GABPA: variants seen among roughly 807,000 people sequenced by gnomAD.
GABPA encodes GA binding protein transcription factor subunit alpha.
A neutral mutation model predicts 59.4 loss-of-function variants in GABPA; 4 were observed. The observed-to-expected ratio is 0.07, with a 90% confidence interval of 0.03 to 0.15. The LOEUF is 0.15. Among genes scored for constraint, GABPA ranks in the 10% least tolerant of loss-of-function variants. The pLI, the probability that GABPA is intolerant of heterozygous loss-of-function variation, is 1.00. For missense variants in GABPA, 251 were observed against 543.8 expected (o/e 0.46, Z 5.36); for synonymous variants, 164 against 183.1 (o/e 0.90, Z 0.84).
intron 4 of GABPA, among the ~76,000 whole-genome samples, chr21:25,751,448 G>A (rs1053858459): frequency 1.3e-5 from 2 of 150,970 alleles, no homozygotes; most frequent in Admixed American, 1.3e-4. Context: ...TCAGGATTTG[G>A]GTTTTTCTTC....
chr21:25,766,832 A>G (rs981767879), intron 9 of GABPA, among the ~76,000 whole-genome samples: 3 of 151,996 alleles, frequency 2.0e-5, no homozygotes, highest in African/African-American at 7.2e-5. Context: ...ACACATGTTC[A>G]TAGCAGATTA....
chr21:25,751,751 G>C (rs59132672), intron 4 of GABPA, among the ~76,000 whole-genome samples: 3,795 of 151,754 alleles, frequency 0.025, 158 homozygotes, highest in African/African-American at 0.087. Flanking sequence ...TTATAGGTAG[G>C]GTTTGTGTGT....
intron 7 of GABPA, chr21:25,763,457 A>T (rs1165374401): frequency 5.9e-6 from 1 of 170,652 alleles, no homozygotes; most frequent in South Asian, 1.5e-4. Context: ...TAGAAATAAA[A>T]TTTTTTACAC....
In GABPA at chr21:25,769,306, T is replaced by C; in HGVS notation, c.*74T>C. 4.5e-6 allele frequency: 3 copies of C among 671,852 alleles called. No individual in the cohort carries two copies. The highest frequency in any genetic ancestry group is 7.9e-6 in the Non-Finnish European group (3 of 377,672). The allele number at this position is 671,852 out of a possible 1,614,324, so 41.6% of individuals were successfully genotyped here. On this transcript the variant is annotated 3_prime_UTR_variant, in exon 10 of 10. Transcript: ENST00000400075. ...CAAGTATAGCTCTTACCTTTATTACTGAATTTGAATCTTCTTTTATTTCTA... is the reference window on the plus strand; with the variant it reads ...CAAGTATAGCTCTTACCTTTATTACCGAATTTGAATCTTCTTTTATTTCTA...
At chr21:25,738,221 G>GCCGCCC (rs947734411) in intron 1 of GABPA, among the ~76,000 whole-genome samples, 15 of 152,184 alleles carry the variant, frequency 9.9e-5, no homozygotes, top group Admixed American at 6.5e-5. Context: ...TGCCGCCGCC[G>GCCGCCC]CCGCCCCCTG....
chr21:25,735,194 C>G lies in GABPA; in HGVS notation c.-411C>G. 1.7e-6 allele frequency: 1 copy of G among 598,042 alleles called. No individual in the cohort carries two copies. The highest frequency in any genetic ancestry group is 3.0e-6 in the Non-Finnish European group (1 of 333,014). 37.0% of individuals were successfully genotyped at this position (598,042 alleles called of 1,614,324 possible). On this transcript the variant is annotated 5_prime_UTR_variant, in exon 1 of 10. Transcript: ENST00000400075. ...ATGCGCTCTTTGAGTGGCCTTTCCC[C>G]TAGTTCAAGCTCCCCTCCGAGTCAG...
rs2036021153 is a variant in GABPA at position 25,772,143 on chromosome 21, A to T, written c.*2911A>T. On this transcript the variant is annotated 3_prime_UTR_variant, in exon 10 of 10. Transcript: ENST00000400075. ...AATGTTTTAAAATTCATAATTGCAAAACAAATCTGTGACTAACTTAATGTC... is the reference window on the plus strand; with the variant it reads ...AATGTTTTAAAATTCATAATTGCAATACAAATCTGTGACTAACTTAATGTC... The T allele has an allele frequency of 6.6e-6, 1 of 152,090 alleles. No individual in the cohort carries two copies. The highest frequency in any genetic ancestry group is 2.4e-5 in the African/African-American group (1 of 41,444). 9.4% of individuals were successfully genotyped at this position (152,090 alleles called of 1,614,324 possible).
At position 25,769,536 on chromosome 21, in the gene GABPA, A is replaced by C. The variant is rs2035969263; in HGVS notation, c.*304A>C. ...AGTATTAATGTGTAGCCCTACCAAA[A>C]ATAGCCAGTAGTATCTGAAAATGAA... On this transcript the variant is annotated 3_prime_UTR_variant, in exon 10 of 10. Transcript: ENST00000400075. 2 of 207,534 alleles carry C rather than the reference A, an allele frequency of 9.6e-6. No homozygotes were observed. Among genetic ancestry groups the C allele is most frequent in the Non-Finnish European group, 1.9e-5 (2 of 102,844 alleles). 12.9% of individuals were successfully genotyped at this position (207,534 alleles called of 1,614,324 possible). A position where few individuals can be genotyped will look rare whatever the true frequency, so the allele number is the denominator to read the frequency against.
chr21:25,742,282 C>A (rs1347835447), intron 2 of GABPA, among the ~76,000 whole-genome samples: 1 of 152,038 alleles, frequency 6.6e-6, no homozygotes, highest in African/African-American at 2.4e-5. Flanking sequence ...AACAAGAAGA[C>A]TGAGGAAAGT....
chr21:25,739,441 G>A (rs2035162508), intron 1 of GABPA, among the ~76,000 whole-genome samples: 1 of 152,184 alleles, frequency 6.6e-6, no homozygotes, highest in Admixed American at 6.5e-5. Context: ...TGTTTTTCTA[G>A]AGCCTTCGAG....
At chr21:25,743,316 A>G (rs1348166623) in intron 2 of GABPA, among the ~76,000 whole-genome samples, 1 of 152,206 alleles carries the variant, frequency 6.6e-6, no homozygotes, top group Admixed American at 6.5e-5. Context: ...CAACCCTAGT[A>G]CAGTGCTGGA....
Position 25,764,654 on chromosome 21 carries a change from G to A in GABPA, c.1003G>A (p.Ala335Thr), listed in dbSNP as rs899717797. 6.2e-7 allele frequency: 1 copy of A among 1,612,342 alleles called. No homozygotes were observed. The highest frequency in any genetic ancestry group is 8.5e-7 in the Non-Finnish European group (1 of 1,178,958). ...GCTAGAACTTCTTACTGATAAGGAC[G>A]CTCGAGACTGCATTTCTTGGGTTGG... is the stretch of plus-strand genomic sequence containing the variant. Reference protein sequence around the residue: ...FLLELLTDKDARDCISWVGDE... With the variant: ...FLLELLTDKDTRDCISWVGDE... The change falls in exon 9 of 10, where the codon GCT becomes ACT. Residue 335 changes from alanine (A) to threonine (T), a missense_variant. Physicochemically the swap from Ala to Thr is moderately conservative, Grantham distance 58. Around this residue, in one of 4 missense-constraint regions of GABPA, gnomAD observed 21 missense variants for 79.8 expected, o/e 0.26. Transcript: ENST00000400075.
chr21:25,765,263 A>C (rs67151581), intron 9 of GABPA, among the ~76,000 whole-genome samples: 4 of 152,048 alleles, frequency 2.6e-5, no homozygotes, highest in Admixed American at 6.6e-5. Context: ...AATTATGCCT[A>C]CTACAGTGAT....
intron 5 of GABPA, among the ~76,000 whole-genome samples, chr21:25,754,647 G>A (rs1424410664): frequency 2.0e-5 from 3 of 151,806 alleles, no homozygotes; most frequent in Admixed American, 1.3e-4. Flanking sequence ...AAGCTTTACC[G>A]TGGTATATCT....
intron 1 of GABPA, among the ~76,000 whole-genome samples, chr21:25,736,052 C>T (rs947734976): frequency 1.3e-5 from 2 of 152,124 alleles, no homozygotes; most frequent in Admixed American, 6.5e-5. Context: ...ACACCAGAAT[C>T]ATTTATCAGC....
intron 5 of GABPA, among the ~76,000 whole-genome samples, chr21:25,757,033 T>A (rs1170296047): frequency 6.6e-6 from 1 of 152,226 alleles, no homozygotes; most frequent in African/African-American, 2.4e-5. Context: ...TTTGCCTCTT[T>A]GAAGAACTTT....
At chr21:25,762,456 A>T (rs1601147687) in intron 7 of GABPA, 91 bp downstream of exon 7, 22 of 942,156 alleles carry the variant, frequency 2.3e-5, no homozygotes, top group South Asian at 1.5e-4. Context: ...ATTTAAAAAA[A>T]TTTTTTTTCT....
chr21:25,764,422 A>G (rs2146099254), intron 8 of GABPA, 72 bp downstream of exon 8: 2 of 1,461,790 alleles, frequency 1.4e-6, no homozygotes, highest in East Asian at 2.5e-5. Context: ...ATTTTACTGT[A>G]TGAAAAATGT....
At chr21:25,755,051 G>A (rs1300199190) in intron 5 of GABPA, among the ~76,000 whole-genome samples, 3 of 151,466 alleles carry the variant, frequency 2.0e-5, no homozygotes, top group African/African-American at 4.8e-5. Flanking sequence ...ACTCCATCTC[G>A]AAAGAAAAAA....
Sources: allele counts gnomAD v4.1 joint callset (sites outside exome capture counted in the v4.1 genomes callset), GRCh38; gene constraint gnomAD v4.1.1; regional missense constraint gnomAD v4.1.1; transcripts MANE v1.5; gene names NCBI Gene and HGNC (gene_info 2026-07-23, HGNC 2026-07-21).